The following ABR variants were observed in gnomAD, a reference collection of about 807,000 sequenced individuals.
ABR encodes the protein ABR activator of RhoGEF and GTPase, also known as active breakpoint cluster region-related protein.
Under a neutral mutation model 107.2 loss-of-function variants are expected in ABR, and 35 were observed. That is an observed-to-expected ratio of 0.33 (90% CI 0.25 to 0.43). The LOEUF (loss-of-function observed/expected upper bound fraction) is 0.43, where lower values mean the gene tolerates loss of function less well. ABR is among the 20% of genes least tolerant of loss of function. The pLI is 1.00. For missense variants in ABR, 815 were observed against 1,115.2 expected (o/e 0.73, Z 3.83); for synonymous variants, 498 against 462.0 (o/e 1.08, Z -1.00).
chr17:1,097,090 A>G (rs1299052889), intron 3 of ABR, among the ~76,000 whole-genome samples: 2 of 152,196 alleles, frequency 1.3e-5, no homozygotes, highest in Non-Finnish European at 1.5e-5. Flanking sequence ...AGAAAGGCAG[A>G]GCAGGGAGGG....
At chr17:1,069,939 C>G in intron 9 of ABR, 30 bp downstream of exon 9, 1 of 1,585,988 alleles carries the variant, frequency 6.3e-7, no homozygotes, top group Non-Finnish European at 8.6e-7. Flanking sequence ...CCCCCTCCCC[C>G]GCCCCGTGCC....
intron 6 of ABR, among the ~76,000 whole-genome samples, chr17:1,075,734 A>AT (rs1444623448): frequency 2.0e-5 from 3 of 152,144 alleles, no homozygotes; most frequent in African/African-American, 4.8e-5. Context: ...ATTTATTTTA[A>AT]TTTTTTTAAA....
At chr17:1,135,518 G>T (rs138961196) in intron 1 of ABR, among the ~76,000 whole-genome samples, 44 of 152,010 alleles carry the variant, frequency 2.9e-4, no homozygotes, top group Middle Eastern at 3.4e-3. Flanking sequence ...GGATGGGAAT[G>T]AGAGAGGGAA....
At chr17:1,014,407 C>T (rs1289373524) in intron 16 of ABR, among the ~76,000 whole-genome samples, 1 of 148,502 alleles carries the variant, frequency 6.7e-6, no homozygotes, top group Non-Finnish European at 1.5e-5. Flanking sequence ...CGCCACTGCA[C>T]TCCAGCCTGG....
At chr17:1,028,134 A>AG (rs1401281471) in intron 16 of ABR, among the ~76,000 whole-genome samples, 9 of 152,074 alleles carry the variant, frequency 5.9e-5, no homozygotes, top group Admixed American at 5.9e-4. Flanking sequence ...TCTGTTGCCC[A>AG]GGCTGGAGTG....
At chr17:1,072,039 C>G (rs4968156) in intron 8 of ABR, among the ~76,000 whole-genome samples, 29,072 of 152,170 alleles carry the variant, frequency 0.19, 3,141 homozygotes, top group South Asian at 0.25. Flanking sequence ...GAGTAGCTGG[C>G]ACTACAGGCA....
intron 1 of ABR, among the ~76,000 whole-genome samples, chr17:1,167,605 C>T (rs2041562990): frequency 6.6e-6 from 1 of 152,200 alleles, no homozygotes; most frequent in South Asian, 2.1e-4. Flanking sequence ...AGAACACAGG[C>T]TGAGGCGTCA....
intron 1 of ABR, among the ~76,000 whole-genome samples, chr17:1,219,166 T>C (rs570144050): frequency 4.1e-4 from 62 of 152,124 alleles, no homozygotes; most frequent in African/African-American, 1.4e-3. Context: ...CCTCAGCCTC[T>C]CGAGTAGCTG....
intron 1 of ABR, among the ~76,000 whole-genome samples, chr17:1,218,802 C>A (rs112963219): frequency 0.01 from 1,559 of 152,234 alleles, 13 homozygotes; most frequent in Non-Finnish European, 0.016. Flanking sequence ...AGATGGGCCC[C>A]CAAGTCCAGT....
intron 16 of ABR, among the ~76,000 whole-genome samples, chr17:1,039,223 G>A (rs905736010): frequency 1.2e-4 from 19 of 152,168 alleles, no homozygotes; most frequent in Admixed American, 6.5e-5. Flanking sequence ...CAGGGGGAGC[G>A]GGCGCCAAGC....
At position 1,135,377 on chromosome 17, in the gene ABR, C is replaced by CTTTTTTT. The variant is rs71148437; in HGVS notation, c.62-10017_62-10011dup. ...TATTTTTTATTCTTTTTCTTTTTGT[C>CTTTTTTT]TTTTTTTTTTTTTTTTGAGACAGAG... On this transcript the variant is annotated intron_variant, in intron 1 of 22. Transcript: ENST00000302538. 9.1e-4 allele frequency among the ~76,000 whole-genome samples: 47 copies of CTTTTTTT among 51,386 alleles called. 8 individuals are homozygous for CTTTTTTT. Among genetic ancestry groups the CTTTTTTT allele is most frequent in the East Asian group, 2.5e-3 (2 of 800 alleles). The allele number at this position is 51,386 out of a possible 152,430, so 33.7% of individuals were successfully genotyped here. A position where few individuals can be genotyped will look rare whatever the true frequency, so the allele number is the denominator to read the frequency against.
chr17:1,010,655 C>T lies in ABR; in HGVS notation c.2236+74G>A. 1 of 1,569,246 alleles carries T rather than the reference C, an allele frequency of 6.4e-7. No homozygotes were observed. Among genetic ancestry groups the T allele is most frequent in the Non-Finnish European group, 8.7e-7 (1 of 1,155,862 alleles). ...AAGGAAGCCACAGATATTTCTCCTG[C>T]TGGTTACTTCTCCGGGCAGGGAGTC... On this transcript the variant is annotated intron_variant, in intron 20 of 22. Transcript: ENST00000302538. This position sits in a 1 kb window ranked among gnomAD's most constrained non-coding sequence, Gnocchi z 4.1.
chr17:1,009,502 CCA>C (rs1361430179), intron 21 of ABR, among the ~76,000 whole-genome samples, 175 bp downstream of exon 21: 4 of 152,300 alleles, frequency 2.6e-5, no homozygotes, highest in East Asian at 1.9e-4. Context: ...CTCTCACTCC[CCA>C]CAGACAGCCC....
In ABR at chr17:1,150,680, C is replaced by T. The variant is rs1414273628; in HGVS notation, c.62-25313G>A. Among the ~76,000 whole-genome samples the T allele has an allele frequency of 2.0e-5, 3 of 152,178 alleles. No individual in the cohort carries two copies. The highest frequency in any genetic ancestry group is 7.2e-5 in the African/African-American group (3 of 41,432). On this transcript the variant is annotated intron_variant, in intron 1 of 22. Coordinates refer to ENST00000302538, the MANE Select transcript of ABR (RefSeq NM_021962.5). The surrounding 1 kb of genome is among the most constrained non-coding windows in gnomAD (Gnocchi z 4.8). ...AGTTTGGGTGAACACTCCTGGTACA[C>T]GGTCTGTGGTAACATCCTGCACGGC...
At chr17:1,132,577 C>A (rs1027722584) in intron 1 of ABR, among the ~76,000 whole-genome samples, 2 of 151,916 alleles carry the variant, frequency 1.3e-5, no homozygotes, top group Non-Finnish European at 2.9e-5. Context: ...CGGGGTTTCA[C>A]CGTGTTAGCC....
intron 1 of ABR, among the ~76,000 whole-genome samples, chr17:1,220,057 G>A (rs113946215): frequency 2.7e-5 from 4 of 150,752 alleles, no homozygotes; most frequent in South Asian, 2.1e-4. Context: ...TTTGGGAGGC[G>A]GAGGCGGGCG....
Position 1,004,753 on chromosome 17 carries a change from C to T in ABR, c.*1327G>A. On this transcript the variant is annotated 3_prime_UTR_variant, in exon 23 of 23. Coordinates refer to ENST00000302538, the MANE Select transcript of ABR (RefSeq NM_021962.5). Reference sequence around the variant, plus strand: ...CCCTAGAGGCGGCTGTCTGATTCCCCACTCTCCCCACAACTTCTGGAGTTC... The same window carrying T: ...CCCTAGAGGCGGCTGTCTGATTCCCTACTCTCCCCACAACTTCTGGAGTTC... 1 of 319,346 alleles carries T rather than the reference C, an allele frequency of 3.1e-6. No homozygotes were observed. The highest frequency in any genetic ancestry group is 5.0e-5 in the Admixed American group (1 of 20,118). 19.8% of individuals were successfully genotyped at this position (319,346 alleles called of 1,614,324 possible).
In ABR at chr17:1,051,565, G is replaced by A. The variant is rs144450589; in HGVS notation, c.1562-931C>T. ...CCAGGCCCTCTGCAAACCCACACCC[G>A]CCCTGGGCTCGGACCCCAGCAGTCC... On this transcript the variant is annotated intron_variant, in intron 14 of 22. Transcript: ENST00000302538. The surrounding 1 kb of genome is among the most constrained non-coding windows in gnomAD (Gnocchi z 4.3). Among the ~76,000 whole-genome samples the A allele has an allele frequency of 6.1e-3, 931 of 152,278 alleles. 8 individuals carry two copies. Among genetic ancestry groups the A allele is most frequent in the African/African-American group, 0.021 (871 of 41,542 alleles).
In ABR at chr17:1,011,687, G is replaced by C; in HGVS notation, c.2101+159C>G. On this transcript the variant is annotated intron_variant, in intron 19 of 22. Coordinates refer to ENST00000302538, the MANE Select transcript of ABR (RefSeq NM_021962.5). This position sits in a 1 kb window ranked among gnomAD's most constrained non-coding sequence, Gnocchi z 4.8. ...CTGCAGCAAGGGACAAGAGATTGGA[G>C]GGGAGGGGATTACAAGAGAAAGCAC... 4 of 838,746 alleles carry C rather than the reference G, an allele frequency of 4.8e-6. No homozygotes were observed. Among genetic ancestry groups the C allele is most frequent in the Non-Finnish European group, 6.9e-6 (4 of 583,556 alleles). The allele number at this position is 838,746 out of a possible 1,614,324, so 52.0% of individuals were successfully genotyped here.
Sources: allele counts gnomAD v4.1 joint callset (sites outside exome capture counted in the v4.1 genomes callset), GRCh38; gene constraint gnomAD v4.1.1; non-coding constraint Gnocchi (gnomAD v3.1); transcripts MANE v1.5; gene names NCBI Gene and HGNC (gene_info 2026-07-23, HGNC 2026-07-21).